The following SBF2 variants were observed in gnomAD, a reference collection of about 807,000 sequenced individuals.
SBF2 encodes the protein SET binding factor 2, also known as myotubularin-related protein 13.
Under a neutral mutation model 225.2 loss-of-function variants are expected in SBF2, and 112 were observed. The observed-to-expected ratio is 0.50, with a 90% confidence interval of 0.43 to 0.58. SBF2 has a LOEUF of 0.58. SBF2 is among the 20% of genes least tolerant of loss of function. The pLI is 0.00. For synonymous variants in SBF2, 763 were observed against 773.3 expected (o/e 0.99, Z 0.22); for missense variants, 1,996 against 2,206.2 (o/e 0.90, Z 1.91).
chr11:9,813,970 GA>G (rs1324241976), intron 29 of SBF2, among the ~76,000 whole-genome samples: 4 of 151,826 alleles, frequency 2.6e-5, no homozygotes, highest in Non-Finnish European at 5.9e-5. Context: ...AAAAAACCAC[GA>G]AAGGCTTTGT....
In SBF2 at chr11:9,848,138, C is replaced by A. The variant is rs141872623; in HGVS notation, c.2807-1055G>T. ...ACTAGGTTCATCTTATTTAACAGCT[C>A]ATACATTTCTTCATTTATTATAATC... On this transcript the variant is annotated intron_variant, in intron 22 of 39. Transcript: ENST00000256190. Among the ~76,000 whole-genome samples the A allele has an allele frequency of 3.2e-4, 48 of 152,204 alleles. 1 individual carries two copies. The highest frequency in any genetic ancestry group is 1.1e-3 in the African/African-American group (47 of 41,542).
At chr11:9,951,384 G>C (rs914776845) in intron 16 of SBF2, among the ~76,000 whole-genome samples, 1 of 152,194 alleles carries the variant, frequency 6.6e-6, no homozygotes, top group African/African-American at 2.4e-5. Context: ...AAATGGGTCA[G>C]GATGGAGGTA....
intron 1 of SBF2, among the ~76,000 whole-genome samples, chr11:10,238,823 G>A (rs1421074175): frequency 6.6e-6 from 1 of 150,866 alleles, no homozygotes; most frequent in Non-Finnish European, 1.5e-5. Flanking sequence ...TGAGGCAAAA[G>A]AATCACTTGA....
At chr11:10,049,077 T>C (rs1413487418) in intron 2 of SBF2, among the ~76,000 whole-genome samples, 1 of 152,238 alleles carries the variant, frequency 6.6e-6, no homozygotes, top group African/African-American at 2.4e-5. Context: ...TTTCTTCATA[T>C]ACTTCAACCA....
At chr11:9,863,638 T>C (rs1037767225) in intron 17 of SBF2, among the ~76,000 whole-genome samples, 1 of 152,210 alleles carries the variant, frequency 6.6e-6, no homozygotes, top group Non-Finnish European at 1.5e-5. Context: ...ATTGGGAGTC[T>C]TTCTTTTGCT....
At chr11:10,034,259 C>T (rs966204642) in intron 3 of SBF2, among the ~76,000 whole-genome samples, 1 of 152,178 alleles carries the variant, frequency 6.6e-6, no homozygotes, top group African/African-American at 2.4e-5. Flanking sequence ...ATTACATCTG[C>T]TAGTGATTCC....
chr11:10,076,141 A>G (rs1328285113), intron 2 of SBF2, among the ~76,000 whole-genome samples: 1 of 152,218 alleles, frequency 6.6e-6, no homozygotes. Flanking sequence ...GACGGGGGAG[A>G]GAGTATCTTA....
At position 9,790,662 on chromosome 11, in the gene SBF2, C is replaced by T. The variant is rs1423180682; in HGVS notation, c.4592G>A (p.Gly1531Glu). The T allele has an allele frequency of 1.9e-6, 3 of 1,582,380 alleles. No individual in the cohort carries two copies. Among genetic ancestry groups the T allele is most frequent in the South Asian group, 2.2e-5 (2 of 89,170 alleles). ...GACTCCTTTTTTGGCATGCTTTTCT[C>T]CTTTATCATCAAATAAAGTTCCTGT... ...LEHGTLFDDK[G>E]EKHAKKGVCI... The change falls in exon 34 of 40, where the codon GGA (glycine) becomes GAA (glutamate). Residue 1531 changes from glycine (G) to glutamate (E), a missense_variant. Physicochemically the swap from Gly to Glu is moderately conservative, Grantham distance 98. Transcript: ENST00000256190.
At chr11:9,781,478 C>G in intron 39 of SBF2, 29 bp downstream of exon 39, 2 of 1,613,756 alleles carry the variant, frequency 1.2e-6, no homozygotes, top group Non-Finnish European at 1.7e-6. Flanking sequence ...GCAGACAGAG[C>G]CAGGAAAAGA....
intron 16 of SBF2, among the ~76,000 whole-genome samples, chr11:9,900,486 C>A (rs546578741): frequency 6.6e-6 from 1 of 152,106 alleles, no homozygotes; most frequent in Non-Finnish European, 1.5e-5. Flanking sequence ...ATTAGCCAAT[C>A]GGAATTAGTT....
At chr11:10,253,627 T>C (rs1470259) in intron 1 of SBF2, among the ~76,000 whole-genome samples, 29,953 of 152,080 alleles carry the variant, frequency 0.2, 3,132 homozygotes, top group Middle Eastern at 0.26. Context: ...GGGGCACTTT[T>C]TCTCATAAAG....
intron 1 of SBF2, among the ~76,000 whole-genome samples, chr11:10,201,689 T>C (rs1000432410): frequency 5.9e-5 from 9 of 152,344 alleles, no homozygotes; most frequent in Middle Eastern, 3.4e-3. Context: ...AAAGAGTCCA[T>C]AGGCTTTTAC....
intron 2 of SBF2, among the ~76,000 whole-genome samples, chr11:10,087,826 C>G (rs1365860421): frequency 6.6e-6 from 1 of 152,022 alleles, no homozygotes; most frequent in Non-Finnish European, 1.5e-5. Flanking sequence ...TTCAGTAAAA[C>G]CTGGGTTGTT....
chr11:10,137,269 C>G (rs1954416004), intron 2 of SBF2, among the ~76,000 whole-genome samples: 1 of 152,154 alleles, frequency 6.6e-6, no homozygotes, highest in Admixed American at 6.5e-5. Context: ...CTATATAACT[C>G]ACTTATTAGT....
At chr11:10,174,924 G>T (rs1266018721) in intron 2 of SBF2, among the ~76,000 whole-genome samples, 1 of 150,912 alleles carries the variant, frequency 6.6e-6, no homozygotes, top group Non-Finnish European at 1.5e-5. Flanking sequence ...CTTCATAAGT[G>T]AAGGAGAAAT....
intron 19 of SBF2, among the ~76,000 whole-genome samples, chr11:9,854,347 C>G (rs886524535): frequency 3.3e-5 from 5 of 152,162 alleles, no homozygotes; most frequent in African/African-American, 4.8e-5. Flanking sequence ...TGAAATGGAA[C>G]AGATGTGAAA....
intron 17 of SBF2, among the ~76,000 whole-genome samples, chr11:9,881,744 C>G (rs532138722): frequency 3.9e-5 from 6 of 151,914 alleles, no homozygotes; most frequent in African/African-American, 7.3e-5. Context: ...CCATCCCCCC[C>G]CAATTAAACA....
intron 1 of SBF2, among the ~76,000 whole-genome samples, chr11:10,269,448 A>G (rs961176977): frequency 1.3e-5 from 2 of 152,216 alleles, no homozygotes; most frequent in African/African-American, 2.4e-5. Flanking sequence ...AAAAGAAGGC[A>G]TGGTTCCCAA....
intron 2 of SBF2, among the ~76,000 whole-genome samples, chr11:10,106,359 G>C (rs866361171): frequency 6.6e-5 from 10 of 152,210 alleles, no homozygotes; most frequent in African/African-American, 2.4e-4. Flanking sequence ...GGGCACAGTG[G>C]CTCATGCCTG....
Sources: gnomAD v4.1 joint callset for allele counts (sites outside exome capture counted in the v4.1 genomes callset) on GRCh38, gnomAD v4.1.1 for gene constraint, MANE v1.5 for transcripts, NCBI Gene and HGNC (gene_info 2026-07-23, HGNC 2026-07-21) for gene names.